Variants in OTOF observed in about 807,000 individuals in gnomAD.
OTOF encodes the protein fer-1-like family member 2.
In OTOF, 218 loss-of-function variants were observed where a neutral mutation model predicts 236.8. The ratio of observed to expected loss-of-function variants is 0.92; its 90% CI spans 0.82 to 1.03. The LOEUF (loss-of-function observed/expected upper bound fraction) is 1.03. Ranked by LOEUF, OTOF falls within the 50% of genes least tolerant of loss-of-function variation. OTOF has a pLI of 0.00. For synonymous variants in OTOF, 1,041 were observed against 1,072.5 expected, an observed-to-expected ratio of 0.97 and a Z score of 0.57; for missense variants, 2,590 against 2,694.4, an observed-to-expected ratio of 0.96 and a Z score of 0.86.
chr2:26,514,551 C>T (rs372956473), intron 5 of OTOF, among the ~76,000 whole-genome samples: 15 of 152,336 alleles, frequency 9.8e-5, no homozygotes, highest in East Asian at 7.7e-4. Context: ...AGGTTGCCTT[C>T]GTGGCTGCTA....
At chr2:26,479,131 G>A in intron 18 of OTOF, 133 bp downstream of exon 18, 1 of 1,173,232 alleles carries the variant, frequency 8.5e-7, no homozygotes, top group Non-Finnish European at 1.2e-6. Context: ...GCTGAGAATG[G>A]GAACAGAGGT....
chr2:26,537,751 G>C lies in OTOF; in HGVS notation c.103C>G (p.Leu35Val). ...TCAGCCACATCCTCACAGTTCTCCA[G>C]GACCCGAGAGTAGAAGGATTGCCCT... ...FRGQSFYSRV[L>V]ENCEDVADFD... The change falls in exon 2 of 47, where the codon CTG becomes GTG. Residue 35 changes from leucine to valine, a missense_variant. Around this residue, in one of 2 missense-constraint regions of OTOF, gnomAD observed 1,379 missense variants for 1,341.6 expected, o/e 1.03. Coordinates refer to ENST00000272371, the MANE Select transcript of OTOF (RefSeq NM_194248.3). The C allele has an allele frequency of 6.4e-7, 1 of 1,555,044 alleles. No homozygotes were observed. Among genetic ancestry groups the C allele is most frequent in the Non-Finnish European group, 8.7e-7 (1 of 1,148,456 alleles).
rs930377494 is a variant in OTOF at position 26,483,217 on chromosome 2, G to C, written c.1392+245C>G. On this transcript the variant is annotated intron_variant, in intron 13 of 46. Transcript: ENST00000272371. ...TATGAGTGGGTGCATGTGTGTGTGC[G>C]TGCCTGTGTGTGGACTTGTCTCCAC... 2.0e-5 allele frequency among the ~76,000 whole-genome samples: 3 copies of C among 151,980 alleles called. No individual in the cohort carries two copies. The South Asian group carries it at 6.2e-4, about 31-fold the overall frequency.
rs1043225405 is a variant in OTOF at position 26,473,102 on chromosome 2, G to A, written c.3733+30C>T. 11 of 1,604,082 alleles carry A rather than the reference G, an allele frequency of 6.9e-6. No homozygotes were observed. The African/African-American group carries it at 1.3e-4, about 20-fold the overall frequency. On this transcript the variant is annotated intron_variant, in intron 29 of 46. Coordinates refer to ENST00000272371, the MANE Select transcript of OTOF (RefSeq NM_194248.3). The surrounding 1 kb of genome is among the most constrained non-coding windows in gnomAD (Gnocchi z 7.2). The stretch of plus-strand genomic sequence containing the variant: ...CCCTTCCCTGGGGGGCGTGGAGCCA[G>A]GCTTGGTGGCAGGGTGGATGTGGCC...
chr2:26,554,664 G>A (rs1667543340), intron 1 of OTOF, among the ~76,000 whole-genome samples: 1 of 151,346 alleles, frequency 6.6e-6, no homozygotes, highest in Non-Finnish European at 1.5e-5. Context: ...GTCATTCCAG[G>A]CAGAAGAAAT....
At position 26,482,596 on chromosome 2, in the gene OTOF, G is replaced by T; in HGVS notation, c.1393-4C>A. 1 of 1,611,906 alleles carries T rather than the reference G, an allele frequency of 6.2e-7. No individual in the cohort carries two copies. The highest frequency in any genetic ancestry group is 8.5e-7 in the Non-Finnish European group (1 of 1,178,898). On this transcript the variant is annotated splice_polypyrimidine_tract_variant and splice_region_variant and intron_variant, in intron 13 of 46. Coordinates refer to ENST00000272371, the MANE Select transcript of OTOF (RefSeq NM_194248.3). ...TCTTCTGCACTGAAGTCTTGCCCTGGTGGAAGGGGGAGCACAGGTGAGGGC... is the reference window on the plus strand; with the variant it reads ...TCTTCTGCACTGAAGTCTTGCCCTGTTGGAAGGGGGAGCACAGGTGAGGGC...
intron 9 of OTOF, among the ~76,000 whole-genome samples, chr2:26,492,666 G>A (rs986492434): frequency 1.3e-5 from 2 of 152,268 alleles, no homozygotes; most frequent in East Asian, 1.9e-4. Context: ...GAACCCCTCC[G>A]AGTACATGCC....
At position 26,477,263 on chromosome 2, in the gene OTOF, A is replaced by G. The variant is rs1310202881; in HGVS notation, c.2432T>C (p.Met811Thr). 1.2e-6 allele frequency: 2 copies of G among 1,609,408 alleles called. No homozygotes were observed. Among genetic ancestry groups the G allele is most frequent in the Non-Finnish European group, 8.5e-7 (1 of 1,179,022 alleles). Reference protein sequence around the residue: ...ELENMGQQARMLRAQVKRHTV... With the variant: ...ELENMGQQARTLRAQVKRHTV... ...GTGCCGCTTCACCTGGGCCCGCAGC[A>G]TCCTGGCCTGCTGCCCCATGTTTTC... The change falls in exon 21 of 47, where the codon ATG (methionine) becomes ACG (threonine). Residue 811 changes from methionine (M) to threonine (T), a missense_variant. This residue lies in a region of OTOF where 1,379 missense variants were observed against 1,341.6 expected (regional missense o/e 1.03). Coordinates refer to ENST00000272371, the MANE Select transcript of OTOF (RefSeq NM_194248.3). The surrounding 1 kb of genome is among the most constrained non-coding windows in gnomAD (Gnocchi z 4.7).
chr2:26,499,215 G>T (rs1231152578), intron 8 of OTOF, among the ~76,000 whole-genome samples: 1 of 152,104 alleles, frequency 6.6e-6, no homozygotes, highest in Non-Finnish European at 1.5e-5. Context: ...GTGGTTTCTT[G>T]CCTTGGAGAT....
intron 5 of OTOF, among the ~76,000 whole-genome samples, chr2:26,511,498 T>C (rs1321002345): frequency 1.3e-5 from 2 of 152,234 alleles, no homozygotes; most frequent in African/African-American, 4.8e-5. Context: ...ATTATTCCTC[T>C]CCTCACACCC....
rs567683688 is a variant in OTOF, at chr2:26,531,921, C to G, written c.139-4001G>C. On this transcript the variant is annotated intron_variant, in intron 2 of 46. Coordinates refer to ENST00000272371, the MANE Select transcript of OTOF (RefSeq NM_194248.3). ...CCAGCCTGGCCAACATGGTGAAACA[C>G]GGTCTCTACTAAAATACAAAAATTA... 3.6e-4 allele frequency among the ~76,000 whole-genome samples: 55 copies of G among 151,982 alleles called. 1 individual carries two copies. In the South Asian group the frequency reaches 0.011, roughly 32 times the overall value.
chr2:26,464,681 G>A (rs1033856708), intron 39 of OTOF, among the ~76,000 whole-genome samples, 188 bp downstream of exon 39: 1 of 152,162 alleles, frequency 6.6e-6, no homozygotes, highest in African/African-American at 2.4e-5. Context: ...TGTAGGAGGG[G>A]TGGAAGCACA....
At chr2:26,535,161 G>A (rs544463743) in intron 2 of OTOF, among the ~76,000 whole-genome samples, 1 of 152,294 alleles carries the variant, frequency 6.6e-6, no homozygotes, top group Non-Finnish European at 1.5e-5. Context: ...GGAGGCAGGG[G>A]GTGTGGAGAG....
chr2:26,514,160 C>A (rs1455182592), intron 5 of OTOF, among the ~76,000 whole-genome samples: 1 of 152,276 alleles, frequency 6.6e-6, no homozygotes, highest in Non-Finnish European at 1.5e-5. Context: ...AGCAGCGATG[C>A]CTGTCCCCAA....
At chr2:26,496,597 G>A (rs1665992657) in intron 8 of OTOF, among the ~76,000 whole-genome samples, 1 of 152,054 alleles carries the variant, frequency 6.6e-6, no homozygotes, top group African/African-American at 2.4e-5. Flanking sequence ...CAGAGAGAGA[G>A]AGAGCCAGAG....
In OTOF at chr2:26,460,139, G is replaced by T; in HGVS notation, c.5880C>A (p.His1960Gln). ...PLKSARYFLWHTYRWLLLKLL... is the reference protein window; with the variant it reads ...PLKSARYFLWQTYRWLLLKLL... The stretch of plus-strand genomic sequence containing the variant: ...GTTTGAGGAGCAGCCAGCGATACGT[G>T]TGCCACAAGAAGTAGCGAGCCGACT... The change falls in exon 46 of 47, where the codon CAC (histidine) becomes CAA (glutamine). Residue 1960 changes from histidine to glutamine, a missense_variant. His to Gln is a conservative substitution (Grantham distance 24). Coordinates refer to ENST00000272371, the MANE Select transcript of OTOF (RefSeq NM_194248.3). The surrounding 1 kb of genome is among the most constrained non-coding windows in gnomAD (Gnocchi z 5.3). The T allele has an allele frequency of 6.2e-7, 1 of 1,601,760 alleles. No individual in the cohort carries two copies. The highest frequency in any genetic ancestry group is 8.5e-7 in the Non-Finnish European group (1 of 1,174,498).
rs768408841 is a variant in OTOF, at chr2:26,484,565, A to G, written c.1114T>C (p.Tyr372His). ...ACCACGGCAACGTCACACTTCACGT[A>G]GCCCTTCAGCCCCGAGGAGATGTCA... ...PDDISSGLKGYVKCDVAVVGK... is the reference protein window; with the variant it reads ...PDDISSGLKGHVKCDVAVVGK... The change falls in exon 12 of 47, where the codon TAC becomes CAC. Residue 372 changes from tyrosine (Y) to histidine (H), a missense_variant. Physicochemically the swap from Tyr to His is moderately conservative, Grantham distance 83. Transcript: ENST00000272371. 1 of 1,613,912 alleles carries G rather than the reference A, an allele frequency of 6.2e-7. No homozygotes were observed. Among genetic ancestry groups the G allele is most frequent in the East Asian group, 2.2e-5 (1 of 44,882 alleles).
At chr2:26,513,038 G>T (rs116052605) in intron 5 of OTOF, among the ~76,000 whole-genome samples, 2,000 of 152,296 alleles carry the variant, frequency 0.013, 54 homozygotes, top group African/African-American at 0.046. Flanking sequence ...GGGCTTCGTG[G>T]CAGGAACTAG....
At chr2:26,537,842 C>A in intron 1 of OTOF, 68 bp from the exon 2 acceptor site, 2 of 1,173,954 alleles carry the variant, frequency 1.7e-6, no homozygotes, top group Non-Finnish European at 2.5e-6. Context: ...GGTCAGACCT[C>A]CTCATCCTGG....
Sources: gnomAD v4.1 joint callset for allele counts (sites outside exome capture counted in the v4.1 genomes callset) on GRCh38, gnomAD v4.1.1 for gene constraint, gnomAD v4.1.1 regional missense constraint, Gnocchi (gnomAD v3.1) non-coding constraint, MANE v1.5 for transcripts, NCBI Gene and HGNC (gene_info 2026-07-23, HGNC 2026-07-21) for gene names.